The following KRT73 variants were observed in gnomAD, a reference collection of about 807,000 sequenced individuals.
KRT73 encodes the protein keratin 73.
A neutral mutation model predicts 47.2 loss-of-function variants in KRT73; 44 were observed. The observed-to-expected ratio is 0.93, with a 90% CI of 0.73 to 1.20. The LOEUF (loss-of-function observed/expected upper bound fraction) is 1.20. KRT73 is among the 50% of genes most tolerant of loss of function. KRT73 has a pLI of 0.00. For synonymous variants in KRT73, 285 were observed against 291.3 expected (o/e 0.98, Z 0.22); for missense variants, 713 against 704.5 (o/e 1.01, Z -0.14).
chr12:52,611,478 A>T, intron 5 of KRT73, 149 bp from the exon 6 acceptor site: 1 of 845,070 alleles, frequency 1.2e-6, no homozygotes, highest in Non-Finnish European at 1.8e-6. Context: ...CTCCCATTAA[A>T]GCATTGGGCC....
intron 7 of KRT73, chr12:52,609,855 C>T (rs1390236820): frequency 6.5e-6 from 1 of 152,992 alleles, no homozygotes; most frequent in African/African-American, 2.4e-5. Flanking sequence ...AGTTTTTTAT[C>T]ACCAGGGTAA....
At chr12:52,614,707 T>G (rs1940776883) in intron 3 of KRT73, 33 bp from the exon 4 acceptor site, 1 of 1,581,090 alleles carries the variant, frequency 6.3e-7, no homozygotes, top group South Asian at 1.1e-5. Context: ...TGACCTCACC[T>G]TTCTTCAAGC....
chr12:52,611,292 TC>T lies in KRT73; in HGVS notation c.1021del (p.Asp341MetfsTer3), dbSNP rs760836214. ...ELQLAAGRHG[D>X]DLKHTKNEIS... Reference sequence around the variant, plus strand: ...CTCATTTTTGGTGTGTTTCAGGTCATCCCCATGCCGGCCGGCTGCTAGCTGC... The same window carrying T: ...CTCATTTTTGGTGTGTTTCAGGTCATCCCATGCCGGCCGGCTGCTAGCTGC... On this transcript the variant is annotated frameshift_variant, in exon 6 of 9. Coordinates refer to ENST00000305748, the MANE Select transcript of KRT73 (RefSeq NM_175068.3). LOFTEE classifies it high-confidence loss of function. 19 of 1,614,032 alleles carry T rather than the reference TC, an allele frequency of 1.2e-5. No individual in the cohort carries two copies. The African/African-American group carries it at 2.1e-4, about 18-fold the overall frequency.
chr12:52,622,416 C>A (rs566044557), upstream of KRT73, among the ~76,000 whole-genome samples: 80 of 152,136 alleles, frequency 5.3e-4, no homozygotes, highest in African/African-American at 1.9e-3. Context: ...TGGGAAGAAC[C>A]CCCTCTCCTC....
Position 52,618,448 on chromosome 12 carries a change from C to A in KRT73, c.77G>T (p.Gly26Val). The A allele has an allele frequency of 1.9e-6, 3 of 1,614,042 alleles. No individual in the cohort carries two copies. The highest frequency in any genetic ancestry group is 2.5e-6 in the Non-Finnish European group (3 of 1,180,008). Residue 26 changes from glycine (G) to valine (V), a missense_variant, in exon 1 of 9, where the codon GGG (glycine) becomes GTG (valine). Physicochemically the swap from Gly to Val is moderately radical, Grantham distance 109. Transcript: ENST00000305748. ...GFSGCSAVLS[G>V]GSSSSYRAGG... is the part of the protein sequence containing the mutation. ...TGCTCGGTAGGAGGATGAGCTGCCC[C>A]CTGAGAGCACAGCGGAGCAGCCGCT...
At chr12:52,609,424 C>T in intron 7 of KRT73, 143 bp from the exon 8 acceptor site, 1 of 724,354 alleles carries the variant, frequency 1.4e-6, no homozygotes, top group Admixed American at 1.9e-5. Context: ...ACTGGCTGCC[C>T]TTGCATGTCT....
the KRT73 span, among the ~76,000 whole-genome samples, chr12:52,629,247 C>T: frequency 6.6e-6 from 1 of 152,146 alleles, no homozygotes; most frequent in African/African-American, 2.4e-5. Context: ...ACCCCCACAC[C>T]CCTTCTACAT....
chr12:52,628,508 T>G, the KRT73 span, among the ~76,000 whole-genome samples: 1 of 152,176 alleles, frequency 6.6e-6, no homozygotes, highest in Non-Finnish European at 1.5e-5. Context: ...AAAAACAACT[T>G]CTTGCTAAAC....
chr12:52,618,631 T>C, upstream of KRT73: 2 of 1,211,562 alleles, frequency 1.7e-6, no homozygotes, highest in Non-Finnish European at 2.3e-6. Flanking sequence ...GAGGGAGCCA[T>C]GGGCCTAATT....
chr12:52,608,577 A>C (rs1940633601), intron 8 of KRT73, 125 bp from the exon 9 acceptor site: 1 of 836,436 alleles, frequency 1.2e-6, no homozygotes, highest in East Asian at 2.9e-5. Context: ...CTTCCCATCA[A>C]CCATGAACTT....
rs1208591769 is a variant in KRT73, at chr12:52,615,295, A to G, written c.707T>C (p.Phe236Ser). 8.7e-6 allele frequency: 14 copies of G among 1,613,494 alleles called. No individual in the cohort carries two copies. Among genetic ancestry groups the G allele is most frequent in the Non-Finnish European group, 1.1e-5 (13 of 1,179,804 alleles). The change falls in exon 3 of 9, where the codon TTT becomes TCT. Residue 236 changes from phenylalanine to serine, a missense_variant. Coordinates refer to ENST00000305748, the MANE Select transcript of KRT73 (RefSeq NM_175068.3). The part of the protein sequence containing the change: ...INKRTTAENE[F>S]VVLKKDVDAA... ...CCTCCTCACCTTCTTAAGCACCACAAATTCATTCTCAGCAGTTGTGCGCTT... is the reference window on the plus strand; with the variant it reads ...CCTCCTCACCTTCTTAAGCACCACAGATTCATTCTCAGCAGTTGTGCGCTT...
chr12:52,628,908 A>G, the KRT73 span, among the ~76,000 whole-genome samples: 1 of 152,228 alleles, frequency 6.6e-6, no homozygotes, highest in Non-Finnish European at 1.5e-5. Flanking sequence ...ACCAGGAGAG[A>G]GCAGGGCCAG....
At chr12:52,624,480 G>T in the KRT73 span, among the ~76,000 whole-genome samples, 1 of 151,878 alleles carries the variant, frequency 6.6e-6, no homozygotes, top group Non-Finnish European at 1.5e-5. Flanking sequence ...GTGCCCACAG[G>T]ACATATACCA....
rs754949464 is a variant in KRT73, at chr12:52,613,836, T to G, written c.836A>C (p.Gln279Pro). ...GATGGACGTGTCGCTGATGTGGGACTGGATCTGAGCAGTCTCCTGCAGGGG... is the reference window on the plus strand; with the variant it reads ...GATGGACGTGTCGCTGATGTGGGACGGGATCTGAGCAGTCTCCTGCAGGGG... ...CLYEGETAQI[Q>P]SHISDTSIIL... The change falls in exon 5 of 9, where the codon CAG (glutamine) becomes CCG (proline). Residue 279 changes from glutamine to proline, a missense_variant. Coordinates refer to ENST00000305748, the MANE Select transcript of KRT73 (RefSeq NM_175068.3). 1.2e-6 allele frequency: 2 copies of G among 1,614,086 alleles called. No homozygotes were observed. Among genetic ancestry groups the G allele is most frequent in the Non-Finnish European group, 1.7e-6 (2 of 1,179,966 alleles).
At chr12:52,630,615 A>T in the KRT73 span, among the ~76,000 whole-genome samples, 1 of 151,858 alleles carries the variant, frequency 6.6e-6, no homozygotes, top group African/African-American at 2.4e-5. Flanking sequence ...ATATAGAAAA[A>T]TTGGAAAAAA....
intron 7 of KRT73, 118 bp downstream of exon 7, chr12:52,610,497 T>G (rs1940671925): frequency 1.1e-6 from 1 of 929,404 alleles, no homozygotes; most frequent in South Asian, 1.5e-5. Flanking sequence ...AAACTATGCT[T>G]GTGGGTGAAG....
intron 7 of KRT73, chr12:52,610,316 A>G: frequency 2.7e-6 from 1 of 374,516 alleles, no homozygotes. Flanking sequence ...ACCTCAGGTG[A>G]TCCACCCGCC....
At chr12:52,619,205 C>T (rs540230550), upstream of KRT73, among the ~76,000 whole-genome samples, 1 of 152,340 alleles carries the variant, frequency 6.6e-6, no homozygotes, top group South Asian at 2.1e-4. Context: ...CTTCTTTTTC[C>T]CTTTACCATC....
At chr12:52,611,385 C>G in intron 5 of KRT73, 56 bp from the exon 6 acceptor site, 3 of 1,607,154 alleles carry the variant, frequency 1.9e-6, no homozygotes, top group Non-Finnish European at 2.5e-6. Flanking sequence ...CTGGGATCAG[C>G]CTGGTACAGA....
Sources: gnomAD v4.1 joint callset for allele counts (sites outside exome capture counted in the v4.1 genomes callset) on GRCh38, gnomAD v4.1.1 for gene constraint, MANE v1.5 for transcripts, NCBI Gene and HGNC (gene_info 2026-07-23, HGNC 2026-07-21) for gene names.